FAM81A: variants seen among roughly 807,000 people sequenced by gnomAD.
FAM81A encodes the protein family with sequence similarity 81 member A.
A neutral mutation model predicts 46.7 loss-of-function variants in FAM81A; 19 were observed. The ratio of observed to expected loss-of-function variants is 0.41; its 90% CI spans 0.28 to 0.60. The LOEUF (loss-of-function observed/expected upper bound fraction) is 0.60. FAM81A is among the 20% of genes least tolerant of loss of function. The pLI is 0.34. For synonymous variants in FAM81A, 183 were observed against 152.9 expected (o/e 1.20, Z -1.45); for missense variants, 377 against 453.5 (o/e 0.83, Z 1.53).
chr15:59,454,519 A>C (rs1177625688), intron 1 of FAM81A, among the ~76,000 whole-genome samples: 1 of 152,200 alleles, frequency 6.6e-6, no homozygotes. Flanking sequence ...CAGAATCCTC[A>C]TAATCACAAA....
intron 5 of FAM81A, among the ~76,000 whole-genome samples, chr15:59,507,989 G>A (rs1367867510): frequency 6.6e-6 from 1 of 152,142 alleles, no homozygotes; most frequent in East Asian, 1.9e-4. Flanking sequence ...CAGTAAAATA[G>A]GAGCATCTGG....
At chr15:59,407,412 A>G (rs1247121675) in intron 2 of FAM81A, among the ~76,000 whole-genome samples, 1 of 148,432 alleles carries the variant, frequency 6.7e-6, no homozygotes, top group Non-Finnish European at 1.5e-5. Flanking sequence ...CTCCTGCCTC[A>G]GCCTCCCCAG....
Position 59,511,851 on chromosome 15 carries a change from A to G in FAM81A, c.651-2438A>G, listed in dbSNP as rs147803039. ...TTTTTGGTAGAGATGGGGTTTCACC[A>G]TGTTAGCCAGGATGGTCTCAATCTC... On this transcript the variant is annotated intron_variant, in intron 6 of 8. Transcript: ENST00000288228. 8.0e-3 allele frequency among the ~76,000 whole-genome samples: 1,218 copies of G among 152,010 alleles called. 15 individuals carry two copies. Among genetic ancestry groups the G allele is most frequent in the African/African-American group, 0.027 (1,131 of 41,490 alleles).
At chr15:59,442,900 T>A (rs923050640) in intron 1 of FAM81A, among the ~76,000 whole-genome samples, 5 of 152,180 alleles carry the variant, frequency 3.3e-5, no homozygotes, top group Non-Finnish European at 1.5e-5. Context: ...GTAGACATGA[T>A]ACACCTTTGT....
chr15:59,425,490 A>G (rs1596465509), intron 2 of FAM81A, among the ~76,000 whole-genome samples: 1 of 152,186 alleles, frequency 6.6e-6, no homozygotes, highest in East Asian at 1.9e-4. Context: ...TTGCTAAAAT[A>G]GTTTTTTTCT....
intron 6 of FAM81A, among the ~76,000 whole-genome samples, chr15:59,512,092 A>T (rs1443672601): frequency 2.0e-5 from 3 of 152,266 alleles, no homozygotes; most frequent in Non-Finnish European, 2.9e-5. Context: ...CAGCTATACA[A>T]ATCAGCATGA....
chr15:59,416,886 G>A (rs1298169082), intron 2 of FAM81A, among the ~76,000 whole-genome samples: 2 of 152,124 alleles, frequency 1.3e-5, no homozygotes, highest in Non-Finnish European at 2.9e-5. Flanking sequence ...AACTTATGGT[G>A]ACAAATTTTA....
chr15:59,482,548 C>T (rs1231928835), intron 3 of FAM81A, among the ~76,000 whole-genome samples: 10 of 152,166 alleles, frequency 6.6e-5, no homozygotes, highest in African/African-American at 1.7e-4. Flanking sequence ...GGATTATGGG[C>T]GTGAGCCACC....
chr15:59,510,082 C>T (rs771942249), intron 6 of FAM81A, among the ~76,000 whole-genome samples: 3 of 152,110 alleles, frequency 2.0e-5, no homozygotes, highest in Non-Finnish European at 4.4e-5. Flanking sequence ...AAACCAAATA[C>T]ATGGTGGGTG....
intron 1 of FAM81A, among the ~76,000 whole-genome samples, chr15:59,398,522 G>A (rs1464885074): frequency 1.3e-5 from 2 of 152,044 alleles, no homozygotes; most frequent in Non-Finnish European, 2.9e-5. Flanking sequence ...ACTTTGGGAG[G>A]CCAAGGCAGG....
At chr15:59,496,671 A>G (rs1392880007) in intron 4 of FAM81A, among the ~76,000 whole-genome samples, 3 of 152,138 alleles carry the variant, frequency 2.0e-5, no homozygotes, top group Admixed American at 1.3e-4. Flanking sequence ...TCTCAATTCT[A>G]TTCCATTGAT....
chr15:59,423,858 T>G (rs1176843385), intron 2 of FAM81A, among the ~76,000 whole-genome samples: 6 of 152,228 alleles, frequency 3.9e-5, no homozygotes, highest in Non-Finnish European at 7.3e-5. Context: ...TTCTCTTCCT[T>G]TACTGGATCA....
At chr15:59,440,225 C>G (rs1198949901) in intron 1 of FAM81A, 1 of 152,028 alleles carries the variant, frequency 6.6e-6, no homozygotes, top group Non-Finnish European at 1.5e-5. Flanking sequence ...TTTTGAAAAA[C>G]TTGGTCTTTA....
intron 3 of FAM81A, among the ~76,000 whole-genome samples, chr15:59,479,370 G>A (rs1228070429): frequency 6.6e-6 from 1 of 151,958 alleles, no homozygotes; most frequent in Non-Finnish European, 1.5e-5. Flanking sequence ...AATTAGCCGG[G>A]TGTGGTGGCA....
chr15:59,458,467 C>A, intron 1 of FAM81A, 83 bp from the exon 2 acceptor site: 1 of 829,338 alleles, frequency 1.2e-6, no homozygotes, highest in Non-Finnish European at 1.9e-6. Flanking sequence ...ATTTATGATC[C>A]ACTTAGCAAC....
chr15:59,437,788 A>C (rs529820332), upstream of FAM81A, among the ~76,000 whole-genome samples: 6 of 152,164 alleles, frequency 3.9e-5, no homozygotes, highest in African/African-American at 1.2e-4. Flanking sequence ...CAGTGCCACC[A>C]CCATGGCTAT....
intron 1 of FAM81A, among the ~76,000 whole-genome samples, chr15:59,447,714 G>T (rs2081367813): frequency 6.6e-6 from 1 of 152,166 alleles, no homozygotes; most frequent in African/African-American, 2.4e-5. Context: ...ACATGATTTA[G>T]CCAGATAACA....
At chr15:59,471,092 G>C (rs2081682306) in intron 3 of FAM81A, among the ~76,000 whole-genome samples, 1 of 152,094 alleles carries the variant, frequency 6.6e-6, no homozygotes, top group Non-Finnish European at 1.5e-5. Context: ...TAGGATTACA[G>C]ACATGAGTCA....
chr15:59,520,894 G>T (rs567355274), intron 8 of FAM81A, among the ~76,000 whole-genome samples: 1 of 152,246 alleles, frequency 6.6e-6, no homozygotes, highest in East Asian at 1.9e-4. Flanking sequence ...AATTTAGGTT[G>T]TGTATTTTGG....
Sources: allele counts gnomAD v4.1 joint callset (sites outside exome capture counted in the v4.1 genomes callset), GRCh38; gene constraint gnomAD v4.1.1; transcripts MANE v1.5; gene names NCBI Gene and HGNC (gene_info 2026-07-23, HGNC 2026-07-21).